Variants in NR3C2 observed in about 807,000 individuals in gnomAD.
NR3C2 encodes the protein mineralocorticoid receptor.
In NR3C2, 15 loss-of-function variants were observed where a neutral mutation model predicts 86.4. The ratio of observed to expected loss-of-function variants is 0.17; its 90% CI spans 0.12 to 0.27. NR3C2 has a LOEUF of 0.27. Among genes scored for constraint, NR3C2 ranks in the 10% least tolerant of loss-of-function variants. NR3C2 has a pLI of 1.00. For missense variants in NR3C2, 960 were observed against 1,195.6 expected (o/e 0.80, Z 2.91); for synonymous variants, 458 against 450.5 (o/e 1.02, Z -0.21).
At chr4:148,361,291 T>C (rs141224809) in intron 2 of NR3C2, among the ~76,000 whole-genome samples, 16 of 152,342 alleles carry the variant, frequency 1.1e-4, no homozygotes, top group African/African-American at 3.8e-4. Context: ...AACATCAGAA[T>C]TAAAATGCTA....
intron 2 of NR3C2, among the ~76,000 whole-genome samples, chr4:148,301,267 T>C (rs112072411): frequency 0.014 from 2,145 of 152,342 alleles, 54 homozygotes; most frequent in African/African-American, 0.049. Flanking sequence ...GGATAAGTGC[T>C]TGGATCAAAT....
intron 3 of NR3C2, among the ~76,000 whole-genome samples, chr4:148,256,519 A>G (rs1253380497): frequency 1.3e-5 from 2 of 152,132 alleles, no homozygotes; most frequent in East Asian, 1.9e-4. Context: ...GGGCAACACT[A>G]CTTCTCCATT....
rs775819673 is a variant in NR3C2 at position 148,200,207 on chromosome 4, C to T, written c.1898-5345G>A. Reference sequence around the variant, plus strand: ...TGGTAGCCCAGCCACTTCCAGAGGTCGCCAATGCCCTGCGGGCTCCAGTGC... The same window carrying T: ...TGGTAGCCCAGCCACTTCCAGAGGTTGCCAATGCCCTGCGGGCTCCAGTGC... On this transcript the variant is annotated intron_variant, in intron 3 of 8. Transcript: ENST00000358102. Among the ~76,000 whole-genome samples the T allele has an allele frequency of 3.9e-5, 6 of 152,188 alleles. No individual in the cohort carries two copies. In the South Asian group the frequency reaches 6.2e-4, roughly 16 times the overall value.
At chr4:148,154,111 C>G (rs372995077) in intron 5 of NR3C2, among the ~76,000 whole-genome samples, 1 of 151,466 alleles carries the variant, frequency 6.6e-6, no homozygotes, top group South Asian at 2.1e-4. Context: ...CAGGTTCAAG[C>G]GATTCTCCTG....
intron 6 of NR3C2, among the ~76,000 whole-genome samples, chr4:148,149,398 C>T (rs1734009125): frequency 6.6e-6 from 1 of 151,570 alleles, no homozygotes; most frequent in African/African-American, 2.4e-5. Context: ...GTACATTATT[C>T]CCAGCCTTCA....
At chr4:148,375,039 G>C (rs1029292770) in intron 2 of NR3C2, among the ~76,000 whole-genome samples, 44 of 152,206 alleles carry the variant, frequency 2.9e-4, no homozygotes, top group African/African-American at 9.6e-4. Context: ...TAATTTTAAT[G>C]GTCAGTGCAT....
At chr4:148,372,637 T>G (rs1746475391) in intron 2 of NR3C2, among the ~76,000 whole-genome samples, 1 of 152,232 alleles carries the variant, frequency 6.6e-6, no homozygotes, top group Admixed American at 6.5e-5. Context: ...AAAAAGTGGC[T>G]TGTTTCCAAA....
chr4:148,443,200 C>G (rs1750436305), upstream of NR3C2, among the ~76,000 whole-genome samples: 1 of 140,974 alleles, frequency 7.1e-6, no homozygotes, highest in Admixed American at 7.2e-5. Flanking sequence ...AGCTTTCCTC[C>G]CATCCCTTAG....
intron 4 of NR3C2, among the ~76,000 whole-genome samples, chr4:148,190,084 G>T (rs966264363): frequency 6.6e-6 from 1 of 152,034 alleles, no homozygotes; most frequent in African/African-American, 2.4e-5. Context: ...TGCTGGGTTT[G>T]GGTTTGGTTT....
chr4:148,330,918 C>A (rs975679100), intron 2 of NR3C2, among the ~76,000 whole-genome samples: 8 of 152,174 alleles, frequency 5.3e-5, no homozygotes, highest in Admixed American at 3.3e-4. Flanking sequence ...ATGTGACTCA[C>A]CTACTCCACC....
intron 3 of NR3C2, among the ~76,000 whole-genome samples, chr4:148,217,722 C>T (rs35337326): frequency 0.015 from 2,275 of 152,250 alleles, 26 homozygotes; most frequent in Non-Finnish European, 0.024. Context: ...GTGAATTCTG[C>T]GAAAAAGAAT....
intron 3 of NR3C2, among the ~76,000 whole-genome samples, chr4:148,220,846 A>C (rs977393494): frequency 3.3e-5 from 5 of 152,224 alleles, no homozygotes; most frequent in African/African-American, 1.2e-4. Context: ...TCAATCAACC[A>C]ATCTCTAAAA....
chr4:148,371,455 T>C (rs1035331669), intron 2 of NR3C2, among the ~76,000 whole-genome samples: 4 of 152,182 alleles, frequency 2.6e-5, no homozygotes, highest in African/African-American at 9.7e-5. Flanking sequence ...GATGACTTAA[T>C]GATTCTACAA....
chr4:148,249,258 T>C (rs1485657612), intron 3 of NR3C2, among the ~76,000 whole-genome samples: 3 of 151,356 alleles, frequency 2.0e-5, no homozygotes, highest in Non-Finnish European at 4.4e-5. Flanking sequence ...AAATAAAATA[T>C]AAAAAGGGAT....
intron 6 of NR3C2, among the ~76,000 whole-genome samples, chr4:148,136,016 C>T (rs372281208): frequency 1.8e-5 from 2 of 109,832 alleles, no homozygotes; most frequent in African/African-American, 6.6e-5. Context: ...GAGATCCCGC[C>T]ACTGCACTCC....
At chr4:148,267,455 G>A (rs1379530611) in intron 2 of NR3C2, among the ~76,000 whole-genome samples, 2 of 151,716 alleles carry the variant, frequency 1.3e-5, no homozygotes, top group African/African-American at 4.8e-5. Context: ...CCATAATAGT[G>A]GACCTATAGG....
upstream of NR3C2, chr4:148,444,051 G>A (rs905445058): frequency 6.1e-6 from 6 of 985,240 alleles, no homozygotes; most frequent in African/African-American, 7.0e-5. Context: ...CTTTCCCGCG[G>A]GGCCCACCGT....
chr4:148,296,748 A>G (rs1179006788), intron 2 of NR3C2, among the ~76,000 whole-genome samples: 2 of 152,214 alleles, frequency 1.3e-5, no homozygotes, highest in African/African-American at 4.8e-5. Flanking sequence ...ATTTTAAATA[A>G]TCTAAGCCTT....
chr4:148,316,834 C>G (rs1017728171), intron 2 of NR3C2, among the ~76,000 whole-genome samples: 9 of 152,094 alleles, frequency 5.9e-5, no homozygotes, highest in Admixed American at 2.0e-4. Flanking sequence ...CAGGCTCTCG[C>G]TCTGTTGCCC....
Sources: gnomAD v4.1 joint callset for allele counts (sites outside exome capture counted in the v4.1 genomes callset) on GRCh38, gnomAD v4.1.1 for gene constraint, MANE v1.5 for transcripts, NCBI Gene and HGNC (gene_info 2026-07-23, HGNC 2026-07-21) for gene names.